LARGE1: variants seen among roughly 807,000 people sequenced by gnomAD.
LARGE1 encodes LARGE xylosyl- and glucuronyltransferase 1, also known as xylosyl- and glucuronyltransferase LARGE1.
A neutral mutation model predicts 87.6 loss-of-function variants in LARGE1; 43 were observed. That is an observed-to-expected ratio of 0.49 (90% CI 0.38 to 0.63). LARGE1 has a LOEUF of 0.63. LARGE1 is among the 30% of genes least tolerant of loss of function. The probability of loss-of-function intolerance (pLI) is 0.00; values close to 1 mark genes in which losing one functional copy is unlikely to be tolerated. For missense variants in LARGE1, 802 were observed against 1,000.2 expected (o/e 0.80, Z 2.67); for synonymous variants, 434 against 394.6 (o/e 1.10, Z -1.18).
chr22:33,091,504 G>T, the LARGE1 span, among the ~76,000 whole-genome samples: 1 of 152,000 alleles, frequency 6.6e-6, no homozygotes, highest in Non-Finnish European at 1.5e-5. Flanking sequence ...AGGTTGCAGT[G>T]AGCTGAGATC....
chr22:33,450,197 CCA>C (rs1234425971), intron 6 of LARGE1, among the ~76,000 whole-genome samples: 1 of 152,066 alleles, frequency 6.6e-6, no homozygotes, highest in Non-Finnish European at 1.5e-5. Flanking sequence ...CAGGTGTGAG[CCA>C]CTGCACCTGG....
intron 9 of LARGE1, among the ~76,000 whole-genome samples, chr22:33,360,104 C>T (rs1275125493): frequency 4.0e-5 from 6 of 149,584 alleles, no homozygotes; most frequent in Admixed American, 1.3e-4. Flanking sequence ...ACTTGAGGTT[C>T]GAGTTTGAGA....
At chr22:33,706,043 G>A (rs1367751585) in intron 2 of LARGE1, among the ~76,000 whole-genome samples, 1 of 152,166 alleles carries the variant, frequency 6.6e-6, no homozygotes, top group African/African-American at 2.4e-5. Flanking sequence ...TGAACACAGG[G>A]CTGGCTCCTA....
At chr22:33,753,331 T>G (rs1241846619) in intron 2 of LARGE1, among the ~76,000 whole-genome samples, 4 of 152,042 alleles carry the variant, frequency 2.6e-5, no homozygotes, top group Non-Finnish European at 5.9e-5. Context: ...AGAGAAAGAT[T>G]TGAAGATGCC....
At chr22:33,319,597 T>A (rs1936518662) in intron 10 of LARGE1, among the ~76,000 whole-genome samples, 1 of 152,150 alleles carries the variant, frequency 6.6e-6, no homozygotes, top group African/African-American at 2.4e-5. Flanking sequence ...GGTTTCACTA[T>A]GTTGGCCAGG....
At chr22:33,814,195 T>C (rs552680960) in intron 1 of LARGE1, among the ~76,000 whole-genome samples, 36 of 152,264 alleles carry the variant, frequency 2.4e-4, no homozygotes, top group Non-Finnish European at 4.6e-4. Context: ...TGTCAACCTC[T>C]TCTAAGTGCC....
chr22:33,358,203 A>G (rs551278549), intron 9 of LARGE1, among the ~76,000 whole-genome samples: 1 of 152,368 alleles, frequency 6.6e-6, no homozygotes, highest in Admixed American at 6.5e-5. Context: ...CAGGTCATAC[A>G]ATGAAAGAAA....
intron 9 of LARGE1, among the ~76,000 whole-genome samples, chr22:33,347,606 A>G (rs910613980): frequency 6.6e-6 from 1 of 152,228 alleles, no homozygotes; most frequent in African/African-American, 2.4e-5. Flanking sequence ...AAAGAGAAGG[A>G]CAATATTTTC....
intron 2 of LARGE1, among the ~76,000 whole-genome samples, chr22:33,721,899 C>T (rs1258925806): frequency 6.6e-6 from 1 of 152,080 alleles, no homozygotes; most frequent in African/African-American, 2.4e-5. Context: ...TTATTTTTGT[C>T]TTTGGTATAT....
At chr22:33,407,768 A>G (rs1447960767) in intron 7 of LARGE1, among the ~76,000 whole-genome samples, 4 of 152,172 alleles carry the variant, frequency 2.6e-5, no homozygotes, top group Non-Finnish European at 4.4e-5. Flanking sequence ...GAAAGGGCCA[A>G]TAAGTATGTA....
At chr22:33,843,401 C>T (rs1044008044) in intron 1 of LARGE1, among the ~76,000 whole-genome samples, 1 of 150,444 alleles carries the variant, frequency 6.6e-6, no homozygotes, top group Non-Finnish European at 1.5e-5. Context: ...TGCACCACTG[C>T]ACTCTAGCCT....
intron 11 of LARGE1, among the ~76,000 whole-genome samples, chr22:33,248,715 A>T (rs971108392): frequency 6.6e-6 from 1 of 151,986 alleles, no homozygotes; most frequent in African/African-American, 2.4e-5. Context: ...TGTGTGGTCA[A>T]CTCCCAACAC....
At chr22:33,264,889 C>CTTTT (rs200074908) in intron 11 of LARGE1, among the ~76,000 whole-genome samples, 892 of 74,380 alleles carry the variant, frequency 0.012, 64 homozygotes, top group Non-Finnish European at 0.015. Context: ...TGATCAAATT[C>CTTTT]TTTTTTTTTT....
chr22:33,312,040 A>G (rs1370954523), intron 11 of LARGE1, among the ~76,000 whole-genome samples: 1 of 152,192 alleles, frequency 6.6e-6, no homozygotes, highest in Non-Finnish European at 1.5e-5. Flanking sequence ...CAGTACTGGT[A>G]TCATTCTGGG....
chr22:33,761,236 T>C, intron 2 of LARGE1, 135 bp downstream of exon 2: 1 of 829,522 alleles, frequency 1.2e-6, no homozygotes, highest in Non-Finnish European at 2.1e-6. Context: ...ACCTGTGTGA[T>C]TCTAGACAAG....
At chr22:33,253,816 T>C (rs1033176954) in intron 11 of LARGE1, among the ~76,000 whole-genome samples, 1 of 151,948 alleles carries the variant, frequency 6.6e-6, no homozygotes, top group Admixed American at 6.6e-5. Flanking sequence ...AGGGCCTGGC[T>C]GGCATACTTT....
At chr22:33,508,944 C>G (rs1307300895) in intron 6 of LARGE1, among the ~76,000 whole-genome samples, 3 of 152,134 alleles carry the variant, frequency 2.0e-5, no homozygotes, top group African/African-American at 7.2e-5. Flanking sequence ...TAACAACTAC[C>G]CTGGTGACAA....
intron 11 of LARGE1, among the ~76,000 whole-genome samples, chr22:33,208,379 A>G (rs16991969): frequency 0.054 from 8,240 of 152,262 alleles, 747 homozygotes; most frequent in African/African-American, 0.19. Flanking sequence ...GTCGTCTTCA[A>G]AGCTGCTTGG....
At chr22:33,766,514 C>A (rs1202931273) in intron 1 of LARGE1, among the ~76,000 whole-genome samples, 1 of 152,166 alleles carries the variant, frequency 6.6e-6, no homozygotes, top group African/African-American at 2.4e-5. Context: ...CAACCTCCGC[C>A]TCCCGGGTTC....
Sources: gnomAD v4.1 joint callset for allele counts (sites outside exome capture counted in the v4.1 genomes callset) on GRCh38, gnomAD v4.1.1 for gene constraint, MANE v1.5 for transcripts, NCBI Gene and HGNC (gene_info 2026-07-23, HGNC 2026-07-21) for gene names.